LIMD1: variants seen among roughly 807,000 people sequenced by gnomAD.
LIMD1 encodes the protein LIM domain containing 1.
In LIMD1, 23 loss-of-function variants were observed where a neutral mutation model predicts 58.4. That is an observed-to-expected ratio of 0.39 (90% CI 0.28 to 0.56). LIMD1 has a LOEUF of 0.56. LIMD1 is among the 20% of genes least tolerant of loss of function. The pLI, the probability that LIMD1 is intolerant of heterozygous loss-of-function variation, is 0.57. For synonymous variants in LIMD1, 334 were observed against 345.5 expected (o/e 0.97, Z 0.37); for missense variants, 838 against 855.5 (o/e 0.98, Z 0.25).
chr3:45,660,517 G>A (rs1218035743), intron 2 of LIMD1, among the ~76,000 whole-genome samples: 1 of 147,908 alleles, frequency 6.8e-6, no homozygotes, highest in African/African-American at 2.5e-5. Context: ...CCAGGTTCAA[G>A]CGATTCTCCT....
chr3:45,679,233 T>G lies in LIMD1; in HGVS notation c.*2174T>G, dbSNP rs1222817164. The G allele has an allele frequency of 1.3e-5, 2 of 152,248 alleles. No individual in the cohort carries two copies. 9.4% of individuals were successfully genotyped at this position (152,248 alleles called of 1,614,324 possible). A position where few individuals can be genotyped will look rare whatever the true frequency, so the allele number is the denominator to read the frequency against. On this transcript the variant is annotated 3_prime_UTR_variant, in exon 8 of 8. Transcript: ENST00000273317. ...CTAGATTGAGGTGATTCAGATAGGT[T>G]TGCGAATATACCATTTTATATTGTT...
At chr3:45,673,669 T>C in intron 6 of LIMD1, 164 bp downstream of exon 6, 1 of 516,716 alleles carries the variant, frequency 1.9e-6, no homozygotes, top group Non-Finnish European at 3.3e-6. Flanking sequence ...TCCCACCCCT[T>C]TTAGGAGGCC....
intron 6 of LIMD1, 45 bp from the exon 7 acceptor site, chr3:45,674,298 C>G (rs1350932254): frequency 1.3e-6 from 2 of 1,542,638 alleles, no homozygotes; most frequent in Non-Finnish European, 1.8e-6. Context: ...CGACAGCCCC[C>G]CTAACAGGCC....
At chr3:45,645,015 G>A (rs1156842242) in intron 2 of LIMD1, among the ~76,000 whole-genome samples, 2 of 152,228 alleles carry the variant, frequency 1.3e-5, no homozygotes, top group African/African-American at 4.8e-5. Flanking sequence ...AGTTCTGTAT[G>A]AGCTGAATGA....
rs1483175910 is a variant in LIMD1, at chr3:45,678,992, T to G, written c.*1933T>G. 6.6e-6 allele frequency: 1 copy of G among 152,194 alleles called. No individual in the cohort carries two copies. Among genetic ancestry groups the G allele is most frequent in the East Asian group, 1.9e-4 (1 of 5,188 alleles). The allele number at this position is 152,194 out of a possible 1,614,324, so 9.4% of individuals were successfully genotyped here. ...TGAACCCTGAGGTGGGGACCCTCTC[T>G]TCCCATCAAATCATCCAGCTCAGTG... On this transcript the variant is annotated 3_prime_UTR_variant, in exon 8 of 8. Coordinates refer to ENST00000273317, the MANE Select transcript of LIMD1 (RefSeq NM_014240.3).
intron 1 of LIMD1, among the ~76,000 whole-genome samples, chr3:45,616,586 G>C (rs1701578272): frequency 2.3e-3 from 1 of 426 alleles, no homozygotes; most frequent in Non-Finnish European, 5.8e-3. Flanking sequence ...CTGCACCCGG[G>C]TCCCCCTCCT....
intron 2 of LIMD1, among the ~76,000 whole-genome samples, chr3:45,660,534 G>A (rs1213806348): frequency 5.3e-5 from 8 of 151,230 alleles, no homozygotes; most frequent in African/African-American, 1.2e-4. Flanking sequence ...TCCTACCGCG[G>A]CCTCCCAAGT....
At position 45,672,765 on chromosome 3, in the gene LIMD1, G is replaced by A; in HGVS notation, c.1717G>A (p.Val573Met). The A allele has an allele frequency of 1.2e-6, 2 of 1,614,024 alleles. No individual in the cohort carries two copies. Among genetic ancestry groups the A allele is most frequent in the Non-Finnish European group, 1.7e-6 (2 of 1,179,948 alleles). The stretch of plus-strand genomic sequence containing the variant: ...CATCTGTAATGAGTGTTTGGATGGG[G>A]TGCCCTTCACCGTGGACTCAGAGAA... ...CVICNECLDGVPFTVDSENKI... is the reference protein window; with the variant it reads ...CVICNECLDGMPFTVDSENKI... The change falls in exon 5 of 8, where the codon GTG becomes ATG. Residue 573 changes from valine (V) to methionine (M), a missense_variant. By Grantham distance (21) the Val-to-Met change is conservative. Transcript: ENST00000273317.
chr3:45,604,196 G>A (rs1485230967), intron 1 of LIMD1, among the ~76,000 whole-genome samples: 1 of 152,184 alleles, frequency 6.6e-6, no homozygotes, highest in Non-Finnish European at 1.5e-5. Context: ...GTCTGCCCAG[G>A]GCCACCTCCA....
rs752909434 is a variant in LIMD1, at chr3:45,595,828, G to A, written c.949G>A (p.Gly317Arg). 6.2e-7 allele frequency: 1 copy of A among 1,614,178 alleles called. No individual in the cohort carries two copies. The highest frequency in any genetic ancestry group is 1.1e-5 in the South Asian group (1 of 91,088). ...AGGAGGTCTTCCAAGATCAAACTCGGGGCTGGGGGGTGAGGTTTCAGGTGT... is the reference window on the plus strand; with the variant it reads ...AGGAGGTCTTCCAAGATCAAACTCGAGGCTGGGGGGTGAGGTTTCAGGTGT... ...RQGGLPRSNSGLGGEVSGVMS... is the reference protein window; with the variant it reads ...RQGGLPRSNSRLGGEVSGVMS... Residue 317 changes from glycine to arginine, a missense_variant, in exon 1 of 8, where the codon GGG (glycine) becomes AGG (arginine). Physicochemically the swap from Gly to Arg is moderately radical, Grantham distance 125. Transcript: ENST00000273317.
rs1559510601 is a variant in LIMD1 at position 45,594,801 on chromosome 3, A to ACACACACACACACACACACAC, written c.-78_-58dup. Reference sequence around the variant, plus strand: ...TCAACACACACACACACACACACACACACACACACACACACACACACACAC... The same window carrying ACACACACACACACACACACAC: ...TCAACACACACACACACACACACACACACACACACACACACACACACCACACACACACACACACACACACAC... On this transcript the variant is annotated 5_prime_UTR_variant, in exon 1 of 8. Coordinates refer to ENST00000273317, the MANE Select transcript of LIMD1 (RefSeq NM_014240.3). 103 of 172,160 alleles carry ACACACACACACACACACACAC rather than the reference A, an allele frequency of 6.0e-4. 1 individual carries two copies. The highest frequency in any genetic ancestry group is 8.4e-4 in the South Asian group (9 of 10,718). 10.7% of individuals were successfully genotyped at this position (172,160 alleles called of 1,614,324 possible).
At chr3:45,625,992 AC>A (rs1239916408) in intron 1 of LIMD1, among the ~76,000 whole-genome samples, 2 of 152,182 alleles carry the variant, frequency 1.3e-5, no homozygotes, top group African/African-American at 4.8e-5. Context: ...TACACTGCTA[AC>A]CCTACCTAGT....
chr3:45,643,392 G>A (rs1018590061), intron 2 of LIMD1, among the ~76,000 whole-genome samples: 1 of 152,134 alleles, frequency 6.6e-6, no homozygotes. Context: ...GGCTGAGGCA[G>A]GAGAATCACT....
rs1367766740 is a variant in LIMD1 at position 45,683,987 on chromosome 3, T to G, written c.*6928T>G. 6.6e-6 allele frequency: 1 copy of G among 152,186 alleles called. No individual in the cohort carries two copies. Among genetic ancestry groups the G allele is most frequent in the Non-Finnish European group, 1.5e-5 (1 of 68,028 alleles). The allele number at this position is 152,186 out of a possible 1,614,324, so 9.4% of individuals were successfully genotyped here. A position where few individuals can be genotyped will look rare whatever the true frequency, so the allele number is the denominator to read the frequency against. On this transcript the variant is annotated 3_prime_UTR_variant, in exon 8 of 8. Transcript: ENST00000273317. ...TGGGTGCCTTTTCTTCAGGAATCCC[T>G]GAAAGTGGGGGTTTGCAATTTTCCC... is the stretch of plus-strand genomic sequence containing the variant.
intron 2 of LIMD1, among the ~76,000 whole-genome samples, chr3:45,644,917 G>A (rs1701886208): frequency 6.6e-6 from 1 of 152,184 alleles, no homozygotes; most frequent in Non-Finnish European, 1.5e-5. Flanking sequence ...ATCATGGGAT[G>A]CACCCATAGT....
chr3:45,616,067 C>T (rs1701572720), intron 1 of LIMD1, among the ~76,000 whole-genome samples: 1 of 152,178 alleles, frequency 6.6e-6, no homozygotes, highest in Non-Finnish European at 1.5e-5. Context: ...CTTTCTGCTA[C>T]TTGTTGGCAA....
intron 1 of LIMD1, among the ~76,000 whole-genome samples, chr3:45,607,013 C>G (rs951964994): frequency 6.6e-6 from 1 of 152,108 alleles, no homozygotes; most frequent in Non-Finnish European, 1.5e-5. Flanking sequence ...AGGCAGGTCT[C>G]GAACTCCTGA....
chr3:45,595,361 C>T lies in LIMD1; in HGVS notation c.482C>T (p.Ala161Val). 1 of 1,613,734 alleles carries T rather than the reference C, an allele frequency of 6.2e-7. No homozygotes were observed. The highest frequency in any genetic ancestry group is 1.6e-4 in the Middle Eastern group (1 of 6,062). The change falls in exon 1 of 8, where the codon GCT becomes GTT. Residue 161 changes from alanine (A) to valine (V), a missense_variant. Ala to Val is a moderately conservative substitution (Grantham distance 64). This residue lies in a region of LIMD1 where 659 missense variants were observed against 639.8 expected (regional missense o/e 1.03). Transcript: ENST00000273317. ...AGCCTGGCGACTTCTGAGATGTCTG[C>T]TTTCCACCAGCCAGGCCCCTGTGAG... is the stretch of plus-strand genomic sequence containing the variant. Reference protein sequence around the residue: ...RESLATSEMSAFHQPGPCEDP... With the variant: ...RESLATSEMSVFHQPGPCEDP...
Position 45,681,603 on chromosome 3 carries a change from A to G in LIMD1, c.*4544A>G, listed in dbSNP as rs140350283. ...CACACGCAGTGGGCTGCATTACAAG[A>G]GGAACCCCCATGCTTAGGGGACCCT... On this transcript the variant is annotated 3_prime_UTR_variant, in exon 8 of 8. Coordinates refer to ENST00000273317, the MANE Select transcript of LIMD1 (RefSeq NM_014240.3). 4.0e-4 allele frequency: 61 copies of G among 152,372 alleles called. No homozygotes were observed. Among genetic ancestry groups the G allele is most frequent in the African/African-American group, 1.4e-3 (59 of 41,592 alleles). The allele number at this position is 152,372 out of a possible 1,614,324, so 9.4% of individuals were successfully genotyped here.
Sources: allele counts gnomAD v4.1 joint callset (sites outside exome capture counted in the v4.1 genomes callset), GRCh38; gene constraint gnomAD v4.1.1; regional missense constraint gnomAD v4.1.1; transcripts MANE v1.5; gene names NCBI Gene and HGNC (gene_info 2026-07-23, HGNC 2026-07-21).